Variants in NLRP4 observed in about 807,000 individuals in gnomAD.
NLRP4 encodes the protein NACHT, LRR and PYD domains-containing protein 4.
Under a neutral mutation model 84.7 loss-of-function variants are expected in NLRP4, and 44 were observed. The ratio of observed to expected loss-of-function variants is 0.52; its 90% confidence interval spans 0.41 to 0.67. The LOEUF is 0.67. NLRP4 is among the 30% of genes least tolerant of loss of function. NLRP4 has a pLI of 0.00. For synonymous variants in NLRP4, 544 were observed against 476.4 expected (o/e 1.14, Z -1.85); for missense variants, 1,260 against 1,219.4 (o/e 1.03, Z -0.50).
intron 1 of NLRP4, among the ~76,000 whole-genome samples, chr19:55,848,617 T>C (rs762658583): frequency 6.6e-6 from 1 of 152,152 alleles, no homozygotes; most frequent in Non-Finnish European, 1.5e-5. Context: ...TTGGCCAAGA[T>C]GGTCTGGATC....
At chr19:55,875,850 G>A (rs939841904) in intron 7 of NLRP4, among the ~76,000 whole-genome samples, 13 of 149,286 alleles carry the variant, frequency 8.7e-5, no homozygotes, top group African/African-American at 3.2e-4. Context: ...CCAACATAGT[G>A]AAACCCCGTC....
chr19:55,845,569 A>G (rs1983761445), intron 1 of NLRP4, among the ~76,000 whole-genome samples: 2 of 152,124 alleles, frequency 1.3e-5, no homozygotes, highest in East Asian at 1.9e-4. Flanking sequence ...GTCAAATGGT[A>G]TTTCTAGTTC....
In NLRP4 at chr19:55,858,145, T is replaced by G. The variant is rs1044099691; in HGVS notation, c.752T>G (p.Leu251Trp). ...CCCGATTCGGATCTGTGTGGTGACT[T>G]GATGGAGAAACGGCCGGTGCAGGTG... ...NEPDSDLCGD[L>W]MEKRPVQVLL... Residue 251 changes from leucine to tryptophan, a missense_variant, in exon 3 of 10, where the codon TTG (leucine) becomes TGG (tryptophan). By Grantham distance (61) the Leu-to-Trp change is moderately conservative (BLOSUM62 -2). Around this residue, in one of 3 missense-constraint regions of NLRP4, gnomAD observed 712 missense variants for 669.2 expected, o/e 1.06. Transcript: ENST00000301295. This position sits in a 1 kb window ranked among gnomAD's most constrained non-coding sequence, Gnocchi z 4.2. 1 of 1,614,120 alleles carries G rather than the reference T, an allele frequency of 6.2e-7. No homozygotes were observed. Among genetic ancestry groups the G allele is most frequent in the East Asian group, 2.2e-5 (1 of 44,876 alleles).
At position 55,870,810 on chromosome 19, in the gene NLRP4, T is replaced by G. The variant is rs1032610533; in HGVS notation, c.2355-17T>G. On this transcript the variant is annotated splice_polypyrimidine_tract_variant and intron_variant, in intron 6 of 9. Coordinates refer to ENST00000301295, the MANE Select transcript of NLRP4 (RefSeq NM_134444.5). ...ACGTCCCTCTTCACTCTCCTTCTCG[T>G]GTTTTTGTCCCCATAGGTTGGCTTT... 15 of 1,603,122 alleles carry G rather than the reference T, an allele frequency of 9.4e-6. No individual in the cohort carries two copies. Among genetic ancestry groups the G allele is most frequent in the Non-Finnish European group, 1.3e-5 (15 of 1,170,450 alleles).
chr19:55,864,093 T>C (rs939406632), intron 5 of NLRP4, among the ~76,000 whole-genome samples: 5 of 152,218 alleles, frequency 3.3e-5, no homozygotes, highest in Non-Finnish European at 7.3e-5. Context: ...ACTTTTAAAG[T>C]ATAACTATGC....
intron 1 of NLRP4, among the ~76,000 whole-genome samples, chr19:55,841,717 T>G (rs8112534): frequency 0.13 from 19,097 of 151,864 alleles, 2,864 homozygotes; most frequent in African/African-American, 0.36. Flanking sequence ...AAAAAAAAGT[T>G]AGCCGGGCAT....
In NLRP4 at chr19:55,862,107, A is replaced by G; in HGVS notation, c.2134A>G (p.Arg712Gly). ...CACGAAACTCTCTCGTGATGACATCAGGTCCCTCTGTGATGCCTTGAACTA... is the reference window on the plus strand; with the variant it reads ...CACGAAACTCTCTCGTGATGACATCGGGTCCCTCTGTGATGCCTTGAACTA... ...TLTKLSRDDI[R>G]SLCDALNYPA... Residue 712 changes from arginine to glycine, a missense_variant, in exon 5 of 10, where the codon AGG becomes GGG. By Grantham distance (125) the Arg-to-Gly change is moderately radical. This residue lies in a region of NLRP4 where 544 missense variants were observed against 531.7 expected (regional missense o/e 1.02). Coordinates refer to ENST00000301295, the MANE Select transcript of NLRP4 (RefSeq NM_134444.5). 6.2e-7 allele frequency: 1 copy of G among 1,613,820 alleles called. No individual in the cohort carries two copies. The highest frequency in any genetic ancestry group is 8.5e-7 in the Non-Finnish European group (1 of 1,179,674).
intron 3 of NLRP4, among the ~76,000 whole-genome samples, chr19:55,859,659 G>A (rs986904223): frequency 6.6e-6 from 1 of 151,976 alleles, no homozygotes; most frequent in African/African-American, 2.4e-5. Context: ...CGGGTGTGGT[G>A]GCTCATGCCT....
chr19:55,862,776 CTATG>C (rs963610462), intron 5 of NLRP4, among the ~76,000 whole-genome samples: 1 of 152,028 alleles, frequency 6.6e-6, no homozygotes, highest in African/African-American at 2.4e-5. Flanking sequence ...TCAGAGAAGA[CTATG>C]TATTTCTTTT....
At chr19:55,856,747 T>G (rs1010200635) in intron 2 of NLRP4, among the ~76,000 whole-genome samples, 2 of 151,974 alleles carry the variant, frequency 1.3e-5, no homozygotes, top group South Asian at 4.2e-4. Context: ...ATCTCTTGAC[T>G]TCATGATCTG....
intron 1 of NLRP4, among the ~76,000 whole-genome samples, chr19:55,841,629 G>A (rs1243388234): frequency 6.6e-6 from 1 of 152,158 alleles, no homozygotes; most frequent in Admixed American, 6.5e-5. Context: ...TTGGGAGGCC[G>A]AGGCAGGCAG....
rs540055323 is a variant in NLRP4 at position 55,849,257 on chromosome 19, G to A, written c.-65-2759G>A. On this transcript the variant is annotated intron_variant, in intron 1 of 9. Coordinates refer to ENST00000301295, the MANE Select transcript of NLRP4 (RefSeq NM_134444.5). Reference sequence around the variant, plus strand: ...CCCTGGGTTTCTTTGGTTAGGAAGTGGTCTTAGAAACCAAGAGCTGATCTG... The same window carrying A: ...CCCTGGGTTTCTTTGGTTAGGAAGTAGTCTTAGAAACCAAGAGCTGATCTG... 2.6e-5 allele frequency among the ~76,000 whole-genome samples: 4 copies of A among 152,266 alleles called. No homozygotes were observed. In the East Asian group the frequency reaches 5.8e-4, roughly 22 times the overall value.
chr19:55,837,351 C>A (rs1253729844), intron 1 of NLRP4, among the ~76,000 whole-genome samples: 1 of 151,994 alleles, frequency 6.6e-6, no homozygotes, highest in Non-Finnish European at 1.5e-5. Context: ...ACCCCTGAAC[C>A]TAACATAAAA....
At position 55,870,809 on chromosome 19, in the gene NLRP4, G is replaced by A. The variant is rs113845693; in HGVS notation, c.2355-18G>A. 26 of 1,601,514 alleles carry A rather than the reference G, an allele frequency of 1.6e-5. No individual in the cohort carries two copies. Among genetic ancestry groups the A allele is most frequent in the African/African-American group, 2.7e-5 (2 of 74,676 alleles). ...CACGTCCCTCTTCACTCTCCTTCTC[G>A]TGTTTTTGTCCCCATAGGTTGGCTT... On this transcript the variant is annotated intron_variant, in intron 6 of 9. Transcript: ENST00000301295.
chr19:55,837,295 C>G (rs970019696), intron 1 of NLRP4, among the ~76,000 whole-genome samples: 141 of 152,168 alleles, frequency 9.3e-4, no homozygotes, highest in African/African-American at 3.3e-3. Flanking sequence ...AAACTGTACA[C>G]CAAACCCCTG....
At chr19:55,857,099 C>G (rs552749319) in intron 2 of NLRP4, among the ~76,000 whole-genome samples, 1 of 152,296 alleles carries the variant, frequency 6.6e-6, no homozygotes, top group South Asian at 2.1e-4. Flanking sequence ...TTATTCCATA[C>G]TTTTAATATT....
chr19:55,861,348 C>T (rs753768025), intron 3 of NLRP4, 38 bp from the exon 4 acceptor site: 79 of 1,597,552 alleles, frequency 4.9e-5, no homozygotes, highest in African/African-American at 1.6e-4. Context: ...TCGTGTTGAC[C>T]GCCTGCCTGT....
intron 1 of NLRP4, among the ~76,000 whole-genome samples, chr19:55,847,618 G>A (rs775133273): frequency 3.3e-5 from 5 of 151,628 alleles, no homozygotes; most frequent in African/African-American, 7.3e-5. Flanking sequence ...AACGACTTTC[G>A]TTACCATGGT....
chr19:55,857,492 T>C (rs968782381), intron 2 of NLRP4, 182 bp from the exon 3 acceptor site: 2 of 603,748 alleles, frequency 3.3e-6, no homozygotes, highest in African/African-American at 3.7e-5. Context: ...GTAGACAATA[T>C]ACCCGTGAAT....
Sources: gnomAD v4.1 joint callset for allele counts (sites outside exome capture counted in the v4.1 genomes callset) on GRCh38, gnomAD v4.1.1 for gene constraint, gnomAD v4.1.1 regional missense constraint, Gnocchi (gnomAD v3.1) non-coding constraint, MANE v1.5 for transcripts, NCBI Gene and HGNC (gene_info 2026-07-23, HGNC 2026-07-21) for gene names.